Variants in TRDN observed in about 807,000 individuals in gnomAD.
TRDN encodes the protein triadin in skeletal muscle.
In TRDN, 161 loss-of-function variants were observed where a neutral mutation model predicts 149.7. The observed-to-expected ratio is 1.08, with a 90% CI of 0.95 to 1.23. The LOEUF (loss-of-function observed/expected upper bound fraction) is 1.23. TRDN is among the 50% of genes most tolerant of loss of function. The pLI is 0.00. For synonymous variants in TRDN, 294 were observed against 250.5 expected, an observed-to-expected ratio of 1.17 and a Z score of -1.64; for missense variants, 896 against 823.5, an observed-to-expected ratio of 1.09 and a Z score of -1.08.
intron 10 of TRDN, among the ~76,000 whole-genome samples, chr6:123,461,036 A>T (rs530211416): frequency 6.6e-6 from 1 of 152,276 alleles, no homozygotes; most frequent in East Asian, 1.9e-4. Flanking sequence ...GTTGCTATTT[A>T]ACCACTGGGC....
intron 38 of TRDN, among the ~76,000 whole-genome samples, chr6:123,244,705 G>A (rs951774030): frequency 5.3e-5 from 8 of 152,046 alleles, no homozygotes; most frequent in African/African-American, 1.9e-4. Flanking sequence ...CCCCAACCTA[G>A]TAAGACACAC....
At chr6:123,218,998 A>G (rs550810671) in intron 40 of TRDN, among the ~76,000 whole-genome samples, 5 of 152,082 alleles carry the variant, frequency 3.3e-5, no homozygotes, top group Non-Finnish European at 7.4e-5. Flanking sequence ...GGTATGTAAT[A>G]AGCCTTTAAT....
intron 1 of TRDN, among the ~76,000 whole-genome samples, chr6:123,589,264 A>C (rs539445893): frequency 1.3e-5 from 2 of 152,344 alleles, no homozygotes; most frequent in South Asian, 4.1e-4. Flanking sequence ...TATCATTTGA[A>C]TAAGATAAAC....
At chr6:123,536,962 T>C (rs1780578051) in intron 4 of TRDN, among the ~76,000 whole-genome samples, 1 of 152,012 alleles carries the variant, frequency 6.6e-6, no homozygotes, top group Admixed American at 6.6e-5. Context: ...AGAAATTTTT[T>C]CATGTACTGT....
intron 12 of TRDN, among the ~76,000 whole-genome samples, chr6:123,411,243 C>A (rs1773430202): frequency 1.3e-5 from 2 of 152,024 alleles, no homozygotes; most frequent in Admixed American, 6.6e-5. Context: ...GACGAGCTTT[C>A]TCCGTGTTGG....
chr6:123,420,990 T>C (rs1481353716), intron 12 of TRDN, among the ~76,000 whole-genome samples: 1 of 152,242 alleles, frequency 6.6e-6, no homozygotes, highest in African/African-American at 2.4e-5. Context: ...CAGAACGGTA[T>C]CTATTTCCCT....
At chr6:123,263,935 A>C (rs1359672830) in intron 33 of TRDN, among the ~76,000 whole-genome samples, 1 of 152,048 alleles carries the variant, frequency 6.6e-6, no homozygotes, top group African/African-American at 2.4e-5. Flanking sequence ...TTTTAAGCCC[A>C]CTGTTGAGAC....
chr6:123,247,621 C>T (rs867113310), intron 38 of TRDN, among the ~76,000 whole-genome samples: 2 of 152,142 alleles, frequency 1.3e-5, no homozygotes, highest in Non-Finnish European at 2.9e-5. Flanking sequence ...AATGGATAAA[C>T]ATTCCATGAT....
intron 10 of TRDN, chr6:123,464,341 G>T: frequency 1.0e-6 from 1 of 977,090 alleles, no homozygotes; most frequent in Non-Finnish European, 1.2e-6. Flanking sequence ...GTTGTATATA[G>T]TACTTATAAA....
At chr6:123,584,487 C>A (rs989845712) in intron 1 of TRDN, among the ~76,000 whole-genome samples, 1 of 152,054 alleles carries the variant, frequency 6.6e-6, no homozygotes, top group African/African-American at 2.4e-5. Flanking sequence ...CCGCACTAAC[C>A]ATGCCTAGGA....
intron 24 of TRDN, among the ~76,000 whole-genome samples, chr6:123,314,152 G>A (rs1778934942): frequency 6.6e-6 from 1 of 151,866 alleles, no homozygotes; most frequent in Non-Finnish European, 1.5e-5. Flanking sequence ...AAATTTACAA[G>A]AAACAAATAA....
intron 8 of TRDN, chr6:123,498,528 C>T (rs1388623186): frequency 1.5e-5 from 7 of 470,438 alleles, no homozygotes; most frequent in Non-Finnish European, 3.1e-5. Context: ...GCACATTTTC[C>T]CACAGGAGAG....
chr6:123,228,084 T>C (rs1484790457), intron 38 of TRDN, among the ~76,000 whole-genome samples: 2 of 151,376 alleles, frequency 1.3e-5, no homozygotes, highest in African/African-American at 4.8e-5. Context: ...ATTTATCCCA[T>C]GAATAGTACA....
At chr6:123,258,563 C>T (rs555290477) in intron 35 of TRDN, among the ~76,000 whole-genome samples, 8 of 152,144 alleles carry the variant, frequency 5.3e-5, no homozygotes, top group East Asian at 1.9e-4. Context: ...ATTTTCGCAT[C>T]GATATTCATC....
At chr6:123,474,360 T>C (rs1777349992) in intron 9 of TRDN, among the ~76,000 whole-genome samples, 1 of 152,120 alleles carries the variant, frequency 6.6e-6, no homozygotes, top group South Asian at 2.1e-4. Flanking sequence ...CATTACATAA[T>C]GGTAAAGGGA....
At chr6:123,528,588 A>T in intron 5 of TRDN, 1 of 963,810 alleles carries the variant, frequency 1.0e-6, no homozygotes, top group Non-Finnish European at 1.2e-6. Flanking sequence ...TGCTTTGATA[A>T]TAACTTAAAT....
At chr6:123,338,290 C>T (rs779890933) in intron 21 of TRDN, among the ~76,000 whole-genome samples, 9 of 152,090 alleles carry the variant, frequency 5.9e-5, no homozygotes, top group Non-Finnish European at 1.0e-4. Flanking sequence ...TTTAGAGAAA[C>T]AGAGAGAGAA....
At chr6:123,291,224 G>C (rs565094862) in intron 24 of TRDN, among the ~76,000 whole-genome samples, 1 of 152,154 alleles carries the variant, frequency 6.6e-6, no homozygotes, top group South Asian at 2.1e-4. Flanking sequence ...GAGGGATCTT[G>C]TATAGTCATA....
intron 32 of TRDN, among the ~76,000 whole-genome samples, chr6:123,266,846 T>C (rs1391967418): frequency 7.2e-6 from 1 of 139,524 alleles, no homozygotes; most frequent in East Asian, 2.0e-4. Context: ...AGAAGGATAC[T>C]TTAAGAAATA....
Sources: gnomAD v4.1 joint callset for allele counts (sites outside exome capture counted in the v4.1 genomes callset) on GRCh38, gnomAD v4.1.1 for gene constraint, MANE v1.5 for transcripts, NCBI Gene and HGNC (gene_info 2026-07-23, HGNC 2026-07-21) for gene names.